Variants in ABCB7 observed in about 807,000 individuals in gnomAD.
ABCB7 encodes ATP binding cassette subfamily B member 7, also known as iron-sulfur clusters transporter ABCB7, mitochondrial.
A neutral mutation model predicts 54.4 loss-of-function variants in ABCB7; 7 were observed. That is an observed-to-expected ratio of 0.13 (90% CI 0.07 to 0.24). ABCB7 has a LOEUF of 0.24. ABCB7 is among the 10% of genes least tolerant of loss of function. The pLI is 1.00. For missense variants in ABCB7, 356 were observed against 570.4 expected, an observed-to-expected ratio of 0.62 and a Z score of 3.83; for synonymous variants, 218 against 207.1, an observed-to-expected ratio of 1.05 and a Z score of -0.45.
At chrX:75,078,328 T>A (rs2081427864) in intron 4 of ABCB7, among the ~76,000 whole-genome samples, 1 of 111,814 alleles carries the variant, frequency 8.9e-6, no homozygotes, top group Admixed American at 9.5e-5. Context: ...TCTATCTTTT[T>A]GTTATAGTTT....
At chrX:75,069,488 G>C in intron 10 of ABCB7, 34 bp from the exon 11 acceptor site, 1 of 1,178,917 alleles carries the variant, frequency 8.5e-7, no homozygotes, top group East Asian at 3.0e-5. Context: ...GCCACTTTAC[G>C]CACTGCCTAG....
chrX:75,142,442 T>C (rs1447526651), intron 1 of ABCB7, among the ~76,000 whole-genome samples: 10 of 111,822 alleles, frequency 8.9e-5, no homozygotes, highest in African/African-American at 2.9e-4. Flanking sequence ...GCGGAACCCA[T>C]GGATATGGAG....
chrX:75,148,864 G>GT (rs2082111477), intron 1 of ABCB7, among the ~76,000 whole-genome samples: 1 of 111,538 alleles, frequency 9.0e-6, no homozygotes, highest in Non-Finnish European at 1.9e-5. Context: ...TATGGCAAAC[G>GT]TAGCAGGCAA....
chrX:75,106,491 A>G (rs1306956241), intron 3 of ABCB7, among the ~76,000 whole-genome samples: 5 of 112,223 alleles, frequency 4.5e-5, no homozygotes, highest in African/African-American at 1.6e-4. Flanking sequence ...TAATTAAAAA[A>G]CAACAGATGT....
At chrX:75,068,296 C>T (rs1212032209) in intron 12 of ABCB7, among the ~76,000 whole-genome samples, 1 of 111,624 alleles carries the variant, frequency 9.0e-6, no homozygotes, top group Non-Finnish European at 1.9e-5. Context: ...CAGAAATCAA[C>T]TTTATAATAC....
intron 6 of ABCB7, 49 bp downstream of exon 6, chrX:75,075,313 C>T (rs1336624759): frequency 4.3e-6 from 5 of 1,175,509 alleles, no homozygotes; most frequent in Non-Finnish European, 5.7e-6. Flanking sequence ...TCAATTGCTA[C>T]TAATGAGAAT....
intron 4 of ABCB7, among the ~76,000 whole-genome samples, chrX:75,096,877 A>G (rs900037323): frequency 3.7e-5 from 4 of 109,324 alleles, no homozygotes; most frequent in African/African-American, 1.3e-4. Context: ...ATTTTCCTCC[A>G]TGTTGCAATT....
At chrX:75,135,175 A>G (rs1172749697) in intron 1 of ABCB7, among the ~76,000 whole-genome samples, 2 of 109,609 alleles carry the variant, frequency 1.8e-5, no homozygotes, top group Non-Finnish European at 3.8e-5. Context: ...AAAAAAAAAA[A>G]CCCTCAGAGA....
intron 1 of ABCB7, among the ~76,000 whole-genome samples, chrX:75,138,061 T>C: frequency 8.9e-6 from 1 of 112,087 alleles, no homozygotes; most frequent in African/African-American, 3.2e-5. Flanking sequence ...TTCTAAATGT[T>C]TGCTTACACA....
chrX:75,070,961 C>T (rs1569220258), intron 9 of ABCB7, among the ~76,000 whole-genome samples: 1 of 110,271 alleles, frequency 9.1e-6, no homozygotes, highest in Non-Finnish European at 1.9e-5. Context: ...ACAACAACAA[C>T]AACAAAATGT....
chrX:75,087,324 T>C (rs1602357344), intron 4 of ABCB7, among the ~76,000 whole-genome samples: 1 of 112,057 alleles, frequency 8.9e-6, no homozygotes, highest in African/African-American at 3.2e-5. Context: ...ATCAGGGTAG[T>C]GGTAGAATCC....
chrX:75,136,165 A>G (rs2082007758), intron 1 of ABCB7, among the ~76,000 whole-genome samples: 1 of 111,513 alleles, frequency 9.0e-6, no homozygotes, highest in African/African-American at 3.3e-5. Flanking sequence ...ATACAAAATC[A>G]ATGTACAAAA....
chrX:75,153,756 G>GTATATATATATATATATATATA (rs10626282), intron 1 of ABCB7, among the ~76,000 whole-genome samples: 8 of 91,880 alleles, frequency 8.7e-5, no homozygotes, highest in African/African-American at 2.7e-4. Context: ...GCGTGTGTGT[G>GTATATATATATATATATATATA]TGTGTATATA....
chrX:75,113,037 G>C (rs2081776343), intron 2 of ABCB7, 65 bp from the exon 3 acceptor site: 1 of 973,043 alleles, frequency 1.0e-6, no homozygotes, highest in African/African-American at 1.9e-5. Flanking sequence ...TCACAATTTG[G>C]CTTGAACAGT....
chrX:75,112,158 T>C (rs1010104848), intron 3 of ABCB7, among the ~76,000 whole-genome samples: 3 of 111,588 alleles, frequency 2.7e-5, no homozygotes, highest in African/African-American at 9.8e-5. Context: ...AACATTTACT[T>C]CTCTCTTTGC....
At chrX:75,155,591 GAT>G (rs4148832) in intron 1 of ABCB7, among the ~76,000 whole-genome samples, 2 of 111,660 alleles carry the variant, frequency 1.8e-5, no homozygotes, top group East Asian at 5.6e-4. Flanking sequence ...GTTTTGGAAA[GAT>G]AGTTACGGTT....
At chrX:75,075,024 C>T (rs1010963642) in intron 6 of ABCB7, among the ~76,000 whole-genome samples, 1 of 111,034 alleles carries the variant, frequency 9.0e-6, no homozygotes, top group Non-Finnish European at 1.9e-5. Context: ...GGTGAAATTG[C>T]CTAAAATGTT....
chrX:75,118,341 G>A (rs2081842097), intron 1 of ABCB7, among the ~76,000 whole-genome samples: 1 of 109,774 alleles, frequency 9.1e-6, no homozygotes, highest in Non-Finnish European at 1.9e-5. Flanking sequence ...TTTTGGTAAA[G>A]TTTAAAAGCC....
chrX:75,051,141 G>GAA lies in ABCB7; in HGVS notation c.*2227_*2228dup, dbSNP rs752924937. Reference sequence around the variant, plus strand: ...TTTCAGAGTAAGAAATGTTGAAAAGGAAAAAAAAAAAAAAACTAATCCACT... The same window carrying GAA: ...TTTCAGAGTAAGAAATGTTGAAAAGGAAAAAAAAAAAAAAAAACTAATCCACT... On this transcript the variant is annotated 3_prime_UTR_variant, in exon 16 of 16. Coordinates refer to ENST00000373394, the MANE Select transcript of ABCB7 (RefSeq NM_001271696.3). Among the ~76,000 whole-genome samples the GAA allele has an allele frequency of 2.4e-4, 20 of 84,727 alleles. No homozygotes were observed. The highest frequency in any genetic ancestry group is 1.8e-3 in the South Asian group (3 of 1,702). 73.6% of individuals were successfully genotyped at this position (84,727 alleles called of 115,157 possible). A position where few individuals can be genotyped will look rare whatever the true frequency, so the allele number is the denominator to read the frequency against.
Sources: gnomAD v4.1 joint callset for allele counts (sites outside exome capture counted in the v4.1 genomes callset) on GRCh38, gnomAD v4.1.1 for gene constraint, MANE v1.5 for transcripts, NCBI Gene and HGNC (gene_info 2026-07-23, HGNC 2026-07-21) for gene names.